The following TENM2 variants were observed in gnomAD, a reference collection of about 807,000 sequenced individuals.
TENM2 encodes the protein teneurin-2.
In TENM2, 52 loss-of-function variants were observed where a neutral mutation model predicts 245.2. That is an observed-to-expected ratio of 0.21 (90% confidence interval 0.17 to 0.27). TENM2 has a LOEUF of 0.27. Ranked by LOEUF, TENM2 falls within the 10% of genes least tolerant of loss-of-function variation. The probability of loss-of-function intolerance (pLI) is 1.00; values close to 1 mark genes in which losing one functional copy is unlikely to be tolerated. For missense variants in TENM2, 3,046 were observed against 3,666.8 expected, an observed-to-expected ratio of 0.83 and a Z score of 4.37; for synonymous variants, 1,363 against 1,438.9, an observed-to-expected ratio of 0.95 and a Z score of 1.19.
Position 167,350,939 on chromosome 5 carries a change from T to TA in TENM2, c.227-24259_227-24258insA. On this transcript the variant is annotated intron_variant, in intron 1 of 28. Transcript: ENST00000518659. ...GGATATATACATATGGATATATATA[T>TA]GGGATATATACATATGGATATATAT... is the stretch of plus-strand genomic sequence containing the variant. Among the ~76,000 whole-genome samples the TA allele has an allele frequency of 2.5e-5, 2 of 79,576 alleles. 1 individual carries two copies. Among genetic ancestry groups the TA allele is most frequent in the Non-Finnish European group, 5.5e-5 (2 of 36,154 alleles). 52.2% of individuals were successfully genotyped at this position (79,576 alleles called of 152,430 possible). A position where few individuals can be genotyped will look rare whatever the true frequency, so the allele number is the denominator to read the frequency against.
intron 2 of TENM2, among the ~76,000 whole-genome samples, chr5:167,443,971 C>A (rs993450119): frequency 7.9e-5 from 12 of 151,878 alleles, no homozygotes; most frequent in Non-Finnish European, 1.3e-4. Context: ...TCATTAAGTT[C>A]AAAAAGTCTT....
At chr5:167,891,695 G>A (rs1163839910) in intron 3 of TENM2, among the ~76,000 whole-genome samples, 2 of 152,206 alleles carry the variant, frequency 1.3e-5, no homozygotes, top group Non-Finnish European at 2.9e-5. Flanking sequence ...GTACTCAGAA[G>A]CTGTGGACTG....
chr5:167,552,847 T>G (rs1240697593), intron 2 of TENM2, among the ~76,000 whole-genome samples: 1 of 152,236 alleles, frequency 6.6e-6, no homozygotes, highest in Non-Finnish European at 1.5e-5. Flanking sequence ...TTTCTTCATT[T>G]GACAAATACT....
intron 2 of TENM2, among the ~76,000 whole-genome samples, chr5:167,383,790 A>C (rs1392927258): frequency 6.6e-6 from 1 of 152,034 alleles, no homozygotes; most frequent in Admixed American, 6.6e-5. Flanking sequence ...TTGTTCTTTA[A>C]AATTTTAACT....
chr5:167,620,549 CTTTTTTTTTTT>C (rs11455974), intron 2 of TENM2, among the ~76,000 whole-genome samples: 1 of 73,314 alleles, frequency 1.4e-5, no homozygotes, highest in Non-Finnish European at 2.4e-5. Flanking sequence ...TGCTTTTTGG[CTTTTTTTTTTT>C]TTTTTTTTTT....
At chr5:168,084,863 C>G (rs947046877) in intron 7 of TENM2, among the ~76,000 whole-genome samples, 2 of 152,328 alleles carry the variant, frequency 1.3e-5, no homozygotes, top group Middle Eastern at 3.4e-3. Flanking sequence ...CCAGCCTGCT[C>G]TGCCCAGGTC....
In TENM2 at chr5:167,668,871, T is replaced by A. The variant is rs149355799; in HGVS notation, c.503-207115T>A. On this transcript the variant is annotated intron_variant, in intron 2 of 28. Transcript: ENST00000518659. The stretch of plus-strand genomic sequence containing the variant: ...TGTAAGGCTGAGGCCGGAGAATCAC[T>A]TGAACCCAGGAGGCAGAGGTTGCAG... Among the ~76,000 whole-genome samples the A allele has an allele frequency of 8.0e-3, 1,220 of 152,244 alleles. 15 individuals are homozygous for A. Among genetic ancestry groups the A allele is most frequent in the African/African-American group, 0.026 (1,073 of 41,534 alleles).
chr5:167,967,243 G>A (rs1781449704), intron 4 of TENM2, among the ~76,000 whole-genome samples: 1 of 151,980 alleles, frequency 6.6e-6, no homozygotes, highest in Admixed American at 6.6e-5. Flanking sequence ...TGGTTAGGAG[G>A]GGCACCTCAT....
At chr5:167,355,312 G>A (rs942120929) in intron 1 of TENM2, among the ~76,000 whole-genome samples, 1 of 152,152 alleles carries the variant, frequency 6.6e-6, no homozygotes, top group Non-Finnish European at 1.5e-5. Context: ...TTTGTGGGGT[G>A]TGTTTCTGAT....
At chr5:168,230,147 AATTTCTGCCAGGGTTAG>A (rs1387339318) in intron 25 of TENM2, among the ~76,000 whole-genome samples, 1 of 152,194 alleles carries the variant, frequency 6.6e-6, no homozygotes, top group African/African-American at 2.4e-5. Flanking sequence ...CTTATAACTG[AATTTCTGCCAGGGTTAG>A]ATTTGCTGGC....
intron 7 of TENM2, among the ~76,000 whole-genome samples, chr5:168,081,467 G>C (rs1474943330): frequency 6.6e-6 from 1 of 152,150 alleles, no homozygotes; most frequent in African/African-American, 2.4e-5. Flanking sequence ...ATTTGATCCT[G>C]TCATTATGAT....
intron 2 of TENM2, among the ~76,000 whole-genome samples, chr5:167,550,738 G>A (rs1473854032): frequency 1.3e-5 from 2 of 149,270 alleles, no homozygotes; most frequent in African/African-American, 5.0e-5. Flanking sequence ...GTGTGTGTGT[G>A]TGTGTGTGTG....
In TENM2 at chr5:168,121,040, T is replaced by C. The variant is rs146631694; in HGVS notation, c.2008+2554T>C. Among the ~76,000 whole-genome samples the C allele has an allele frequency of 4.0e-3, 610 of 152,310 alleles. 1 individual carries two copies. Among genetic ancestry groups the C allele is most frequent in the African/African-American group, 0.014 (568 of 41,562 alleles). The stretch of plus-strand genomic sequence containing the variant: ...CATGTCAGTTTCATGGTTGAGTCAT[T>C]TTTCAATGACATTTAACTTCATAAA... On this transcript the variant is annotated intron_variant, in intron 10 of 28. Transcript: ENST00000518659.
intron 2 of TENM2, among the ~76,000 whole-genome samples, chr5:167,869,418 C>T (rs1420381588): frequency 6.6e-6 from 1 of 152,136 alleles, no homozygotes; most frequent in Non-Finnish European, 1.5e-5. Context: ...TGATTCTTAC[C>T]TTTGGGTATG....
At chr5:166,988,750 G>C in the TENM2 span, among the ~76,000 whole-genome samples, 11 of 152,154 alleles carry the variant, frequency 7.2e-5, no homozygotes, top group Non-Finnish European at 1.3e-4. Context: ...CCTCACACTG[G>C]AAACCCATTG....
At chr5:168,212,291 G>A (rs998658667) in intron 20 of TENM2, among the ~76,000 whole-genome samples, 1 of 152,084 alleles carries the variant, frequency 6.6e-6, no homozygotes, top group African/African-American at 2.4e-5. Context: ...ATAGTTTGAA[G>A]GATGGAGACC....
At chr5:168,004,029 A>G (rs1365379021) in intron 5 of TENM2, among the ~76,000 whole-genome samples, 1 of 152,212 alleles carries the variant, frequency 6.6e-6, no homozygotes, top group Non-Finnish European at 1.5e-5. Context: ...GAAAGACTGA[A>G]TGTGGCTGTT....
chr5:167,233,545 G>T, the TENM2 span, among the ~76,000 whole-genome samples: 1 of 152,104 alleles, frequency 6.6e-6, no homozygotes, highest in East Asian at 1.9e-4. Context: ...AGAGTTTATT[G>T]TATTTCAGTC....
chr5:167,236,514 T>C, the TENM2 span, among the ~76,000 whole-genome samples: 2 of 152,208 alleles, frequency 1.3e-5, no homozygotes, highest in African/African-American at 4.8e-5. Context: ...TCAGGCAACT[T>C]GGATTTTGTC....
Sources: gnomAD v4.1 joint callset for allele counts (sites outside exome capture counted in the v4.1 genomes callset) on GRCh38, gnomAD v4.1.1 for gene constraint, MANE v1.5 for transcripts, NCBI Gene and HGNC (gene_info 2026-07-23, HGNC 2026-07-21) for gene names.